The following PDSS2 variants were observed in gnomAD, a reference collection of about 807,000 sequenced individuals.
PDSS2 encodes the protein decaprenyl diphosphate synthase subunit 2.
PDSS2 carries 31 observed loss-of-function variants against 44.5 expected under a neutral mutation model. That is an observed-to-expected ratio of 0.70 (90% CI 0.52 to 0.94). The LOEUF (loss-of-function observed/expected upper bound fraction) is 0.94. PDSS2 is among the 40% of genes least tolerant of loss of function. PDSS2 has a pLI of 0.00. For synonymous variants in PDSS2, 157 were observed against 180.3 expected (o/e 0.87, Z 1.03); for missense variants, 452 against 482.2 (o/e 0.94, Z 0.59).
At chr6:107,230,828 G>A (rs1243599182) in intron 4 of PDSS2, among the ~76,000 whole-genome samples, 3 of 152,094 alleles carry the variant, frequency 2.0e-5, no homozygotes, top group Admixed American at 6.6e-5. Context: ...GTGTACATAA[G>A]TTATCTACTG....
intron 4 of PDSS2, chr6:107,230,066 G>T: frequency 5.4e-6 from 1 of 186,734 alleles, no homozygotes; most frequent in South Asian, 1.1e-4. Flanking sequence ...AAGACCTGAA[G>T]AAACAAAAAA....
intron 6 of PDSS2, among the ~76,000 whole-genome samples, chr6:107,204,692 T>G (rs947118089): frequency 3.5e-4 from 53 of 152,232 alleles, no homozygotes; most frequent in Non-Finnish European, 6.5e-4. Context: ...TAAACCTCTT[T>G]CTTGACTTTT....
intron 2 of PDSS2, among the ~76,000 whole-genome samples, chr6:107,324,447 C>T (rs1777476188): frequency 6.6e-6 from 1 of 152,098 alleles, no homozygotes; most frequent in African/African-American, 2.4e-5. Context: ...CTTAAATAGG[C>T]TTTTATTGCT....
At chr6:107,417,891 G>T (rs1780713884) in intron 1 of PDSS2, among the ~76,000 whole-genome samples, 1 of 151,834 alleles carries the variant, frequency 6.6e-6, no homozygotes, top group South Asian at 2.1e-4. Context: ...AAAGGTATGT[G>T]TAATACAAGA....
At position 107,335,538 on chromosome 6, in the gene PDSS2, CATT is replaced by C. The variant is rs146745803; in HGVS notation, c.297-1209_297-1207del. 6.9e-3 allele frequency among the ~76,000 whole-genome samples: 1,043 copies of C among 152,252 alleles called. 7 individuals carry two copies. Among genetic ancestry groups the C allele is most frequent in the Non-Finnish European group, 0.01 (708 of 68,014 alleles). ...AAAAATGTTGCTTATTACTTACAAA[CATT>C]ATAATTCTAGGCAACAACAAGGCTT... On this transcript the variant is annotated intron_variant, in intron 1 of 7. Transcript: ENST00000369037.
intron 3 of PDSS2, among the ~76,000 whole-genome samples, chr6:107,265,531 T>C (rs1775385302): frequency 6.6e-6 from 1 of 152,234 alleles, no homozygotes; most frequent in Non-Finnish European, 1.5e-5. Context: ...GCCTGTTTCC[T>C]CTTGCTGTGG....
At chr6:107,429,672 G>A (rs1405755044) in intron 1 of PDSS2, among the ~76,000 whole-genome samples, 1 of 151,606 alleles carries the variant, frequency 6.6e-6, no homozygotes, top group Non-Finnish European at 1.5e-5. Context: ...ATCATCTGAG[G>A]TCGGGAGTTT....
intron 3 of PDSS2, among the ~76,000 whole-genome samples, chr6:107,253,406 T>C (rs1774893822): frequency 6.6e-6 from 1 of 152,246 alleles, no homozygotes; most frequent in African/African-American, 2.4e-5. Flanking sequence ...TACATTTACT[T>C]TTTTTGCAGT....
chr6:107,204,029 G>T (rs1018800885), intron 6 of PDSS2, among the ~76,000 whole-genome samples: 1 of 150,906 alleles, frequency 6.6e-6, no homozygotes, highest in Admixed American at 6.6e-5. Flanking sequence ...TGCAACCTCC[G>T]CCTCCCGGGT....
intron 1 of PDSS2, among the ~76,000 whole-genome samples, chr6:107,378,106 A>C (rs570056515): frequency 6.6e-6 from 1 of 151,164 alleles, no homozygotes; most frequent in Admixed American, 6.6e-5. Flanking sequence ...AAAAAACGAC[A>C]GTACACTGGT....
At chr6:107,264,267 A>T in intron 3 of PDSS2, 1 of 1,364,942 alleles carries the variant, frequency 7.3e-7, no homozygotes, top group Non-Finnish European at 9.5e-7. Context: ...TTGTACAAAC[A>T]AAATACTTCA....
At chr6:107,378,295 C>T (rs935960138) in intron 1 of PDSS2, among the ~76,000 whole-genome samples, 4 of 150,240 alleles carry the variant, frequency 2.7e-5, no homozygotes, top group South Asian at 4.2e-4. Context: ...AGAAGACACA[C>T]GGGCTGAAAA....
chr6:107,303,713 C>T (rs1288150572), intron 2 of PDSS2, among the ~76,000 whole-genome samples: 1 of 151,978 alleles, frequency 6.6e-6, no homozygotes, highest in Non-Finnish European at 1.5e-5. Context: ...TTCTCCAGAC[C>T]CCACTAAAAA....
intron 1 of PDSS2, among the ~76,000 whole-genome samples, chr6:107,371,191 A>G (rs892782971): frequency 6.6e-6 from 1 of 152,070 alleles, no homozygotes; most frequent in African/African-American, 2.4e-5. Flanking sequence ...AAAGTAAAAA[A>G]AAAAAAAAGT....
At chr6:107,270,171 T>C (rs1280310480) in intron 3 of PDSS2, among the ~76,000 whole-genome samples, 1 of 152,078 alleles carries the variant, frequency 6.6e-6, no homozygotes, top group African/African-American at 2.4e-5. Context: ...TGCAATGGCG[T>C]GATCTTGGCT....
At chr6:107,262,323 C>CT (rs1775268666) in intron 3 of PDSS2, among the ~76,000 whole-genome samples, 1 of 152,156 alleles carries the variant, frequency 6.6e-6, no homozygotes, top group Non-Finnish European at 1.5e-5. Flanking sequence ...AATCTTCATC[C>CT]TCCAGTTTTC....
intron 2 of PDSS2, among the ~76,000 whole-genome samples, chr6:107,287,922 G>A (rs576646164): frequency 2.0e-5 from 3 of 152,280 alleles, no homozygotes; most frequent in East Asian, 3.9e-4. Context: ...TTGAACCCAG[G>A]AGTTCAAGGT....
At chr6:107,273,385 A>G (rs1383810923) in intron 3 of PDSS2, among the ~76,000 whole-genome samples, 3 of 152,188 alleles carry the variant, frequency 2.0e-5, no homozygotes, top group Non-Finnish European at 4.4e-5. Flanking sequence ...TCTTTATCTT[A>G]AAGAAATAAT....
At chr6:107,204,674 C>A (rs548755168) in intron 6 of PDSS2, among the ~76,000 whole-genome samples, 1 of 152,112 alleles carries the variant, frequency 6.6e-6, no homozygotes, top group Non-Finnish European at 1.5e-5. Flanking sequence ...TTATTAATAC[C>A]GACTTCATAA....
Sources: gnomAD v4.1 joint callset for allele counts (sites outside exome capture counted in the v4.1 genomes callset) on GRCh38, gnomAD v4.1.1 for gene constraint, MANE v1.5 for transcripts, NCBI Gene and HGNC (gene_info 2026-07-23, HGNC 2026-07-21) for gene names.